OPCML: variants seen among roughly 807,000 people sequenced by gnomAD.
OPCML encodes opioid binding protein/cell adhesion molecule like.
OPCML carries 13 observed loss-of-function variants against 37.8 expected under a neutral mutation model. That is an observed-to-expected ratio of 0.34 (90% CI 0.22 to 0.55). The LOEUF (loss-of-function observed/expected upper bound fraction) is 0.55, where lower values mean the gene tolerates loss of function less well. Ranked by LOEUF, OPCML falls within the 20% of genes least tolerant of loss-of-function variation. The pLI, the probability that OPCML is intolerant of heterozygous loss-of-function variation, is 0.91. For synonymous variants in OPCML, 176 were observed against 168.8 expected (o/e 1.04, Z -0.33); for missense variants, 341 against 435.6 (o/e 0.78, Z 1.93).
At position 132,441,165 on chromosome 11, in the gene OPCML, G is replaced by GTTTTTTTTTTTTTT. The variant is rs68143578; in HGVS notation, c.506-3820_506-3807dup. ...AGATGTGTTCACCAAGGACTTTTTT[G>GTTTTTTTTTTTTTT]TTTTTTTTTTTTTTTTTTTTGAGAC... On this transcript the variant is annotated intron_variant, in intron 4 of 7. Coordinates refer to ENST00000524381, the MANE Select transcript of OPCML (RefSeq NM_001012393.5). 5.1e-4 allele frequency among the ~76,000 whole-genome samples: 37 copies of GTTTTTTTTTTTTTT among 72,396 alleles called. 3 individuals are homozygous for GTTTTTTTTTTTTTT. The highest frequency in any genetic ancestry group is 6.5e-4 in the African/African-American group (6 of 9,188). 47.5% of individuals were successfully genotyped at this position (72,396 alleles called of 152,430 possible).
intron 1 of OPCML, among the ~76,000 whole-genome samples, chr11:133,323,992 G>A (rs561277821): frequency 1.3e-5 from 2 of 152,344 alleles, no homozygotes; most frequent in East Asian, 1.9e-4. Context: ...CATTACCCCT[G>A]TGGGGGCTTG....
At chr11:132,608,432 A>G (rs1026904010) in intron 3 of OPCML, among the ~76,000 whole-genome samples, 3 of 152,200 alleles carry the variant, frequency 2.0e-5, no homozygotes, top group African/African-American at 7.2e-5. Context: ...AAACCCTGCC[A>G]GTGCAGCTTG....
chr11:132,542,414 G>C (rs2096358904), intron 3 of OPCML, among the ~76,000 whole-genome samples: 1 of 152,112 alleles, frequency 6.6e-6, no homozygotes, highest in South Asian at 2.1e-4. Flanking sequence ...GGGGAAATGT[G>C]GTTTCTTCCA....
At chr11:132,840,178 C>G (rs1424515955) in intron 2 of OPCML, among the ~76,000 whole-genome samples, 1 of 152,128 alleles carries the variant, frequency 6.6e-6, no homozygotes, top group Non-Finnish European at 1.5e-5. Flanking sequence ...GAGCCTGACA[C>G]AAAACTTCTG....
intron 1 of OPCML, among the ~76,000 whole-genome samples, chr11:133,153,231 C>T (rs1029600645): frequency 2.0e-5 from 3 of 152,124 alleles, no homozygotes; most frequent in Admixed American, 6.6e-5. Flanking sequence ...GAGGCGTTCT[C>T]GGAAGATGGG....
chr11:132,723,184 T>C (rs1458558464), intron 2 of OPCML, among the ~76,000 whole-genome samples: 2 of 152,246 alleles, frequency 1.3e-5, no homozygotes, highest in East Asian at 1.9e-4. Context: ...CACAGCATGC[T>C]TTTCATATAA....
chr11:133,196,627 C>A (rs1314536169), intron 1 of OPCML, among the ~76,000 whole-genome samples: 3 of 152,136 alleles, frequency 2.0e-5, no homozygotes, highest in Non-Finnish European at 4.4e-5. Flanking sequence ...AATATTATTT[C>A]TTCTTTCTTA....
intron 4 of OPCML, among the ~76,000 whole-genome samples, chr11:132,528,236 A>G (rs1051739581): frequency 6.7e-6 from 1 of 148,206 alleles, no homozygotes; most frequent in South Asian, 2.2e-4. Context: ...ACTTTCTTGT[A>G]GATCAATATT....
intron 4 of OPCML, among the ~76,000 whole-genome samples, chr11:132,480,408 G>T (rs550441070): frequency 2.0e-5 from 3 of 152,206 alleles, no homozygotes; most frequent in Admixed American, 6.5e-5. Context: ...GTACCTGAAA[G>T]TGATGGGGAG....
At chr11:132,866,229 T>C (rs1942544406) in intron 2 of OPCML, among the ~76,000 whole-genome samples, 1 of 152,238 alleles carries the variant, frequency 6.6e-6, no homozygotes, top group Non-Finnish European at 1.5e-5. Flanking sequence ...ATTGTTTCAT[T>C]CCTGAGGAAA....
intron 1 of OPCML, among the ~76,000 whole-genome samples, chr11:133,051,460 G>A (rs1421444955): frequency 1.3e-5 from 2 of 152,100 alleles, no homozygotes; most frequent in Non-Finnish European, 2.9e-5. Flanking sequence ...CCTGTTCAGG[G>A]TACTCACTAC....
At chr11:133,024,533 T>C (rs1318887686) in intron 1 of OPCML, 3 of 985,304 alleles carry the variant, frequency 3.0e-6, no homozygotes, top group Non-Finnish European at 2.4e-6. Flanking sequence ...CCTGCTGTAA[T>C]ATACCCTTTG....
At position 133,392,797 on chromosome 11, in the gene OPCML, T is replaced by A. The variant is rs937227808; in HGVS notation, c.61+139467A>T. On this transcript the variant is annotated intron_variant, in intron 1 of 7. Transcript: ENST00000524381. ...TGTGCCCATGGCTCCTGAAGTACAG[T>A]TGATTCTTATTTTTCACAAATTCTG... is the stretch of plus-strand genomic sequence containing the variant. Among the ~76,000 whole-genome samples, 3 of 152,222 alleles carry A rather than the reference T, an allele frequency of 2.0e-5. No homozygotes were observed. In the South Asian group the frequency reaches 6.2e-4, roughly 32 times the overall value.
At position 132,641,967 on chromosome 11, in the gene OPCML, G is replaced by A. The variant is rs143254098; in HGVS notation, c.379+15120C>T. Among the ~76,000 whole-genome samples, 339 of 152,258 alleles carry A rather than the reference G, an allele frequency of 2.2e-3. 1 individual carries two copies. The highest frequency in any genetic ancestry group is 7.4e-3 in the African/African-American group (307 of 41,538). ...TGGAGATGTGTGTACCACAGCTACC[G>A]ACGGTTTTTCTTTTGAAACTAGAGA... On this transcript the variant is annotated intron_variant, in intron 3 of 7. Coordinates refer to ENST00000524381, the MANE Select transcript of OPCML (RefSeq NM_001012393.5).
chr11:133,257,253 A>G (rs1941341036), intron 1 of OPCML, among the ~76,000 whole-genome samples: 1 of 152,210 alleles, frequency 6.6e-6, no homozygotes, highest in South Asian at 2.1e-4. Flanking sequence ...ATGACCTATA[A>G]TTTCAAAACT....
chr11:132,499,409 C>A (rs540315963), intron 4 of OPCML, among the ~76,000 whole-genome samples: 6 of 152,188 alleles, frequency 3.9e-5, no homozygotes, highest in Admixed American at 2.6e-4. Context: ...TGCCTCATCA[C>A]TATGCCGTAG....
At chr11:132,480,536 T>C (rs1211846193) in intron 4 of OPCML, among the ~76,000 whole-genome samples, 1 of 152,098 alleles carries the variant, frequency 6.6e-6, no homozygotes. Flanking sequence ...AAGATACTCC[T>C]TGAGAAGAGC....
At chr11:133,338,004 G>C (rs1318436607) in intron 1 of OPCML, among the ~76,000 whole-genome samples, 1 of 151,838 alleles carries the variant, frequency 6.6e-6, no homozygotes, top group South Asian at 2.1e-4. Context: ...GTCCTGTGTT[G>C]GGCACAACAC....
chr11:132,776,881 C>T (rs963182413), intron 2 of OPCML, among the ~76,000 whole-genome samples: 3 of 152,062 alleles, frequency 2.0e-5, no homozygotes, highest in Non-Finnish European at 2.9e-5. Context: ...TGTTGCTCAT[C>T]GCTCTCTGTT....
Sources: gnomAD v4.1 joint callset for allele counts (sites outside exome capture counted in the v4.1 genomes callset) on GRCh38, gnomAD v4.1.1 for gene constraint, MANE v1.5 for transcripts, NCBI Gene and HGNC (gene_info 2026-07-23, HGNC 2026-07-21) for gene names.